The following ZNF385D variants were observed in gnomAD, a reference collection of about 807,000 sequenced individuals.
ZNF385D encodes the protein zinc finger protein 659.
In ZNF385D, 15 loss-of-function variants were observed where a neutral mutation model predicts 35.8. That is an observed-to-expected ratio of 0.42 (90% CI 0.28 to 0.64). ZNF385D has a LOEUF of 0.64. Ranked by LOEUF, ZNF385D falls within the 30% of genes least tolerant of loss-of-function variation. ZNF385D has a pLI of 0.23. For synonymous variants in ZNF385D, 212 were observed against 186.8 expected (o/e 1.13, Z -1.10); for missense variants, 474 against 494.6 (o/e 0.96, Z 0.39).
chr3:21,947,993 CTT>C (rs762315151), intron 3 of ZNF385D, among the ~76,000 whole-genome samples: 5 of 152,072 alleles, frequency 3.3e-5, no homozygotes, highest in Non-Finnish European at 7.4e-5. Context: ...AAAACCCACT[CTT>C]TATTCATTTT....
At chr3:22,029,228 G>T (rs1299878509) in intron 3 of ZNF385D, among the ~76,000 whole-genome samples, 2 of 152,152 alleles carry the variant, frequency 1.3e-5, no homozygotes, top group African/African-American at 4.8e-5. Flanking sequence ...GTTGGTTTGG[G>T]TGACTTACTT....
At position 21,680,342 on chromosome 3, in the gene ZNF385D, T is replaced by C. The variant is rs112613082; in HGVS notation, c.23-15314A>G. On this transcript the variant is annotated intron_variant, in intron 1 of 7. Coordinates refer to ENST00000281523, the MANE Select transcript of ZNF385D (RefSeq NM_024697.3). ...AGTGAGAGAATAAGCAAAACACTTTTTTTAAGTTCTTGTTCTTGCCGGCTT... is the reference window on the plus strand; with the variant it reads ...AGTGAGAGAATAAGCAAAACACTTTCTTTAAGTTCTTGTTCTTGCCGGCTT... Among the ~76,000 whole-genome samples, 626 of 152,310 alleles carry C rather than the reference T, an allele frequency of 4.1e-3. 2 individuals are homozygous for C. The highest frequency in any genetic ancestry group is 6.7e-3 in the Non-Finnish European group (453 of 68,010).
intron 4 of ZNF385D, among the ~76,000 whole-genome samples, chr3:21,495,504 A>G (rs1047534380): frequency 3.9e-5 from 6 of 152,202 alleles, no homozygotes; most frequent in African/African-American, 1.2e-4. Flanking sequence ...TTTGAAACTA[A>G]TGAGTGCAAA....
chr3:21,533,901 T>A (rs116740910), intron 3 of ZNF385D, among the ~76,000 whole-genome samples: 1,774 of 152,214 alleles, frequency 0.012, 29 homozygotes, highest in African/African-American at 0.04. Context: ...ATCAGACCTC[T>A]AGCAATCTTT....
chr3:22,197,708 A>C (rs1032221775), intron 2 of ZNF385D, among the ~76,000 whole-genome samples: 6 of 152,080 alleles, frequency 3.9e-5, no homozygotes, highest in African/African-American at 1.4e-4. Context: ...TCTGCTTATA[A>C]TAGCAGCTTC....
chr3:21,658,726 T>A (rs2066148425), intron 2 of ZNF385D, among the ~76,000 whole-genome samples: 1 of 152,036 alleles, frequency 6.6e-6, no homozygotes, highest in Admixed American at 6.6e-5. Context: ...AAAGCAAACC[T>A]TAACCTTTAC....
intron 3 of ZNF385D, among the ~76,000 whole-genome samples, chr3:22,167,983 T>G (rs1340323006): frequency 6.6e-6 from 1 of 152,210 alleles, no homozygotes; most frequent in Non-Finnish European, 1.5e-5. Flanking sequence ...TTCTCATCAT[T>G]TGGCCACCTT....
At chr3:21,974,187 A>T (rs1703449561) in intron 3 of ZNF385D, among the ~76,000 whole-genome samples, 1 of 151,982 alleles carries the variant, frequency 6.6e-6, no homozygotes, top group Admixed American at 6.6e-5. Context: ...GACAGAGATA[A>T]TGTAAGGAAA....
chr3:22,114,823 C>G (rs578074940), intron 3 of ZNF385D, among the ~76,000 whole-genome samples: 1 of 152,102 alleles, frequency 6.6e-6, no homozygotes, highest in East Asian at 1.9e-4. Flanking sequence ...TAGGAGGTGA[C>G]TAGATCATGA....
chr3:22,048,006 A>G (rs76171979), intron 3 of ZNF385D, among the ~76,000 whole-genome samples: 2,721 of 152,222 alleles, frequency 0.018, 50 homozygotes, highest in Non-Finnish European at 0.024. Context: ...AGTGATGCTG[A>G]ACAGTTTTCA....
intron 3 of ZNF385D, among the ~76,000 whole-genome samples, chr3:21,809,736 A>G (rs149407419): frequency 0.012 from 1,864 of 151,616 alleles, 42 homozygotes; most frequent in African/African-American, 0.043. Flanking sequence ...ACACATATAT[A>G]TATACACACA....
chr3:21,684,045 A>G lies in ZNF385D; in HGVS notation c.23-19017T>C, dbSNP rs1418630622. On this transcript the variant is annotated intron_variant, in intron 1 of 7. Coordinates refer to ENST00000281523, the MANE Select transcript of ZNF385D (RefSeq NM_024697.3). ...GTTTTAAGGCACCAAGTTTCTGGTA[A>G]TTAATTACGCAGAAATAGAACTCTG... is the stretch of plus-strand genomic sequence containing the variant. 1.3e-5 allele frequency among the ~76,000 whole-genome samples: 2 copies of G among 149,870 alleles called. 1 individual carries two copies. The highest frequency in any genetic ancestry group is 3.0e-5 in the Non-Finnish European group (2 of 67,368).
intron 1 of ZNF385D, among the ~76,000 whole-genome samples, chr3:21,720,241 T>C (rs2068485013): frequency 6.6e-6 from 1 of 152,194 alleles, no homozygotes; most frequent in Non-Finnish European, 1.5e-5. Context: ...ACCAGCAGCA[T>C]CGTCATCATC....
intron 2 of ZNF385D, among the ~76,000 whole-genome samples, chr3:22,247,011 A>G (rs894010050): frequency 1.3e-5 from 2 of 152,150 alleles, no homozygotes; most frequent in African/African-American, 4.8e-5. Context: ...CACCATATAC[A>G]CAAACAACTT....
intron 1 of ZNF385D, among the ~76,000 whole-genome samples, chr3:21,728,052 C>T (rs28730285): frequency 0.055 from 8,405 of 152,002 alleles, 501 homozygotes; most frequent in African/African-American, 0.15. Flanking sequence ...AACCAAACAC[C>T]GCATGTTCTC....
At chr3:21,486,781 A>G (rs1705060908) in intron 4 of ZNF385D, among the ~76,000 whole-genome samples, 1 of 152,120 alleles carries the variant, frequency 6.6e-6, no homozygotes, top group African/African-American at 2.4e-5. Context: ...GAATTCCTCC[A>G]AAGTCAGGAA....
chr3:21,770,028 T>A (rs573700319), intron 3 of ZNF385D, among the ~76,000 whole-genome samples: 5 of 152,196 alleles, frequency 3.3e-5, no homozygotes, highest in Admixed American at 1.3e-4. Context: ...AAAACTGGCT[T>A]GCCATATGGA....
At chr3:22,013,265 G>T (rs1168392035) in intron 3 of ZNF385D, among the ~76,000 whole-genome samples, 1 of 151,820 alleles carries the variant, frequency 6.6e-6, no homozygotes, top group African/African-American at 2.4e-5. Flanking sequence ...ATTTAAAAAT[G>T]TAATAATAGT....
chr3:21,525,293 A>C (rs1708154641), intron 3 of ZNF385D, among the ~76,000 whole-genome samples: 1 of 152,188 alleles, frequency 6.6e-6, no homozygotes, highest in Non-Finnish European at 1.5e-5. Context: ...GATTTGAGGA[A>C]GAAATGCCAA....
Sources: gnomAD v4.1 joint callset for allele counts (sites outside exome capture counted in the v4.1 genomes callset) on GRCh38, gnomAD v4.1.1 for gene constraint, MANE v1.5 for transcripts, NCBI Gene and HGNC (gene_info 2026-07-23, HGNC 2026-07-21) for gene names.